MTRR: variants seen among roughly 807,000 people sequenced by gnomAD.
The protein encoded by MTRR is methionine synthase reductase.
In MTRR, 63 loss-of-function variants were observed where a neutral mutation model predicts 79.2. The observed-to-expected ratio is 0.80, with a 90% confidence interval of 0.65 to 0.98. MTRR has a LOEUF of 0.98. Among genes scored for constraint, MTRR ranks in the 50% least tolerant of loss-of-function variants. MTRR has a pLI of 0.00. For synonymous variants in MTRR, 355 were observed against 313.3 expected, an observed-to-expected ratio of 1.13 and a Z score of -1.41; for missense variants, 895 against 839.6, an observed-to-expected ratio of 1.07 and a Z score of -0.82.
At chr5:7,883,304 A>T (rs1402224308) in intron 6 of MTRR, 27 bp downstream of exon 6, 1 of 1,613,974 alleles carries the variant, frequency 6.2e-7, no homozygotes. Context: ...ATTTCTCAGC[A>T]CAGTAATATT....
intron 5 of MTRR, among the ~76,000 whole-genome samples, chr5:7,882,043 C>G (rs1264768283): frequency 2.0e-5 from 3 of 152,212 alleles, no homozygotes; most frequent in Admixed American, 6.5e-5. Context: ...CTGTCACAGG[C>G]TGGTTCCCAG....
At chr5:7,895,983 T>C in intron 12 of MTRR, 131 bp downstream of exon 12, 1 of 1,185,374 alleles carries the variant, frequency 8.4e-7, no homozygotes, top group Non-Finnish European at 1.2e-6. Flanking sequence ...TGCGATAACA[T>C]AATTTGTCAC....
intron 6 of MTRR, among the ~76,000 whole-genome samples, chr5:7,884,657 C>T (rs530112632): frequency 7.3e-4 from 111 of 152,284 alleles, no homozygotes; most frequent in African/African-American, 2.6e-3. Context: ...GCACCCCCTC[C>T]ATGGGCCCCC....
intron 5 of MTRR, among the ~76,000 whole-genome samples, 160 bp from the exon 6 acceptor site, chr5:7,882,995 A>G (rs1735816228): frequency 1.3e-5 from 2 of 152,248 alleles, no homozygotes; most frequent in Admixed American, 6.5e-5. Flanking sequence ...TCTCTTCTGA[A>G]AAGCTAGCTC....
At chr5:7,872,346 C>T in intron 2 of MTRR, 1 of 362,854 alleles carries the variant, frequency 2.8e-6, no homozygotes, top group Non-Finnish European at 5.3e-6. Flanking sequence ...CTTAAATTTA[C>T]ACGAGAGTAA....
chr5:7,867,846 C>G, upstream of MTRR: 1 of 1,614,194 alleles, frequency 6.2e-7, no homozygotes, highest in Non-Finnish European at 8.5e-7. Context: ...TGAGAGAACA[C>G]TGGTCCACCG....
chr5:7,875,677 T>TAGG (rs1734423019), intron 4 of MTRR, among the ~76,000 whole-genome samples: 1 of 152,202 alleles, frequency 6.6e-6, no homozygotes, highest in South Asian at 2.1e-4. Context: ...AGCTTGTTCT[T>TAGG]TAGGAACTTT....
chr5:7,884,093 G>A (rs917086707), intron 6 of MTRR, among the ~76,000 whole-genome samples: 1 of 152,202 alleles, frequency 6.6e-6, no homozygotes, highest in African/African-American at 2.4e-5. Flanking sequence ...GAGCCTGGGA[G>A]GTTGAGACTA....
At chr5:7,892,343 C>T (rs1737749170) in intron 10 of MTRR, among the ~76,000 whole-genome samples, 1 of 152,142 alleles carries the variant, frequency 6.6e-6, no homozygotes, top group Admixed American at 6.5e-5. Flanking sequence ...CAGTCACTTT[C>T]AAGTTTTATG....
chr5:7,895,373 C>T (rs1738325932), intron 11 of MTRR, among the ~76,000 whole-genome samples: 1 of 152,078 alleles, frequency 6.6e-6, no homozygotes, highest in South Asian at 2.1e-4. Flanking sequence ...TCTTTATTGT[C>T]TTCATATTTA....
exon 1 of MTRR, chr5:7,851,221 C>A (rs1336735311): frequency 5.9e-6 from 3 of 508,466 alleles, no homozygotes; most frequent in Non-Finnish European, 9.1e-6. Flanking sequence ...ACCCTCCCCT[C>A]CTCCCTCCCG....
intron 1 of MTRR, among the ~76,000 whole-genome samples, chr5:7,857,156 T>C (rs1746269869): frequency 6.6e-6 from 1 of 152,208 alleles, no homozygotes; most frequent in African/African-American, 2.4e-5. Context: ...TTTTCTTGCT[T>C]TGCTTTACTT....
At position 7,897,088 on chromosome 5, in the gene MTRR, A is replaced by G. The variant is rs752681512; in HGVS notation, c.1793A>G (p.Lys598Arg). Reference protein sequence around the residue: ...LFRKELRHFLKHGILTHLKVS... With the variant: ...LFRKELRHFLRHGILTHLKVS... ...AGAAAAGAGCTCAGACATTTCCTTA[A>G]GCATGGGATCTTAACTCATCTAAAG... Residue 598 changes from lysine (K) to arginine (R), a missense_variant, in exon 14 of 15, where the codon AAG (lysine) becomes AGG (arginine). Lys to Arg is a conservative substitution (Grantham distance 26). Coordinates refer to ENST00000440940, the MANE Select transcript of MTRR (RefSeq NM_002454.3). 9.9e-6 allele frequency: 16 copies of G among 1,614,180 alleles called. No homozygotes were observed. The East Asian group carries it at 3.6e-4, about 36-fold the overall frequency.
At chr5:7,854,362 ATAT>A (rs892198942) in intron 1 of MTRR, among the ~76,000 whole-genome samples, 30 of 151,152 alleles carry the variant, frequency 2.0e-4, no homozygotes, top group African/African-American at 7.1e-4. Flanking sequence ...TATATATTAT[ATAT>A]ATTTTTTTAT....
upstream of MTRR, chr5:7,869,062 A>G: frequency 1.9e-6 from 3 of 1,560,976 alleles, no homozygotes; most frequent in Admixed American, 1.7e-5. Context: ...GGGCGGGAGC[A>G]CGACTCAGGG....
intron 11 of MTRR, among the ~76,000 whole-genome samples, chr5:7,894,724 G>A (rs1738211732): frequency 6.6e-6 from 1 of 152,140 alleles, no homozygotes; most frequent in Non-Finnish European, 1.5e-5. Flanking sequence ...CTAAGACATT[G>A]GGAAGTCATT....
At chr5:7,879,681 A>G (rs973898136) in intron 5 of MTRR, among the ~76,000 whole-genome samples, 2 of 152,140 alleles carry the variant, frequency 1.3e-5, no homozygotes, top group Non-Finnish European at 2.9e-5. Flanking sequence ...CTTGAGGCAC[A>G]GAGGGGTTGG....
At chr5:7,865,072 T>A (rs1239430115), upstream of MTRR, among the ~76,000 whole-genome samples, 2 of 152,152 alleles carry the variant, frequency 1.3e-5, no homozygotes, top group Non-Finnish European at 2.9e-5. Flanking sequence ...GGCCATGATA[T>A]ACTGCGCATA....
chr5:7,877,873 A>T, intron 4 of MTRR, 71 bp from the exon 5 acceptor site: 1 of 1,595,416 alleles, frequency 6.3e-7, no homozygotes, highest in South Asian at 1.1e-5. Context: ...ACAGACTGTC[A>T]TTATCCTGTT....
Sources: gnomAD v4.1 joint callset for allele counts (sites outside exome capture counted in the v4.1 genomes callset) on GRCh38, gnomAD v4.1.1 for gene constraint, MANE v1.5 for transcripts, NCBI Gene and HGNC (gene_info 2026-07-23, HGNC 2026-07-21) for gene names.